The following CHGB variants were observed in gnomAD, a reference collection of about 807,000 sequenced individuals.
CHGB encodes chromogranin B.
A neutral mutation model predicts 69.9 loss-of-function variants in CHGB; 46 were observed. The ratio of observed to expected loss-of-function variants is 0.66; its 90% CI spans 0.52 to 0.84. CHGB has a LOEUF of 0.84. Ranked by LOEUF, CHGB falls within the 40% of genes least tolerant of loss-of-function variation. CHGB has a pLI of 0.00. For missense variants in CHGB, 796 were observed against 822.2 expected, an observed-to-expected ratio of 0.97 and a Z score of 0.39; for synonymous variants, 312 against 298.2, an observed-to-expected ratio of 1.05 and a Z score of -0.48.
intron 3 of CHGB, among the ~76,000 whole-genome samples, chr20:5,920,023 G>GC (rs11087701): frequency 0.31 from 47,892 of 152,054 alleles, 7,854 homozygotes; most frequent in Middle Eastern, 0.45. Flanking sequence ...CATGACAGAT[G>GC]CATTTCCCTG....
intron 3 of CHGB, among the ~76,000 whole-genome samples, chr20:5,919,305 G>A (rs1442038269): frequency 6.6e-6 from 1 of 152,188 alleles, no homozygotes; most frequent in African/African-American, 2.4e-5. Context: ...TAGGGAAACT[G>A]GGAAAAATCA....
chr20:5,924,156 A>G lies in CHGB; in HGVS notation c.1956+56A>G, dbSNP rs1475775353. 32 of 1,493,794 alleles carry G rather than the reference A, an allele frequency of 2.1e-5. No homozygotes were observed. The Admixed American group carries it at 7.5e-4, about 35-fold the overall frequency. 92.5% of individuals were successfully genotyped at this position (1,493,794 alleles called of 1,614,324 possible). A position where few individuals can be genotyped will look rare whatever the true frequency, so the allele number is the denominator to read the frequency against. ...TTACTCTGGTCAATGTTAGCACATT[A>G]TGTTCAAGACTATCCGATATTCACG... is the stretch of plus-strand genomic sequence containing the variant. On this transcript the variant is annotated intron_variant, in intron 4 of 4. Coordinates refer to ENST00000378961, the MANE Select transcript of CHGB (RefSeq NM_001819.3).
intron 3 of CHGB, 118 bp downstream of exon 3, chr20:5,917,037 A>C (rs2088479861): frequency 9.9e-6 from 9 of 909,414 alleles, no homozygotes; most frequent in Middle Eastern, 2.1e-4. Flanking sequence ...CACTAGGAAG[A>C]GTATTGATTG....
chr20:5,914,519 A>C (rs1490911229), intron 1 of CHGB: 1 of 152,230 alleles, frequency 6.6e-6, no homozygotes, highest in Non-Finnish European at 1.5e-5. Context: ...GTAAAAAAAA[A>C]GGGAAAGTAT....
intron 4 of CHGB, 107 bp downstream of exon 4, chr20:5,924,207 C>CCATTTTCATAGTGAT: frequency 7.0e-7 from 1 of 1,424,456 alleles, no homozygotes; most frequent in Non-Finnish European, 9.3e-7. Flanking sequence ...GAATTAATCA[C>CCATTTTCATAGTGAT]TATGAAAATG....
At chr20:5,917,014 TG>T (rs530637093) in intron 3 of CHGB, 95 bp downstream of exon 3, 190 of 1,148,032 alleles carry the variant, frequency 1.7e-4, no homozygotes, top group Non-Finnish European at 3.2e-5. Context: ...ACAAATGACC[TG>T]GGGGCATAAT....
intron 3 of CHGB, among the ~76,000 whole-genome samples, chr20:5,919,730 CTT>C (rs758116330): frequency 9.2e-5 from 14 of 152,318 alleles, no homozygotes; most frequent in East Asian, 1.9e-4. Flanking sequence ...TTCTCTCTCT[CTT>C]GTTGGCATGT....
In CHGB at chr20:5,923,363, G is replaced by A. The variant is rs2088528931; in HGVS notation, c.1219G>A (p.Glu407Lys). 5.6e-6 allele frequency: 9 copies of A among 1,613,744 alleles called. No individual in the cohort carries two copies. The highest frequency in any genetic ancestry group is 5.3e-5 in the African/African-American group (4 of 74,882). The change falls in exon 4 of 5, where the codon GAA becomes AAA. Residue 407 changes from glutamate to lysine, a missense_variant. This residue lies in a region of CHGB where 518 missense variants were observed against 506.3 expected (regional missense o/e 1.02). Transcript: ENST00000378961. Reference protein sequence around the residue: ...MAHGYGEESEEERGLEPGKGR... With the variant: ...MAHGYGEESEKERGLEPGKGR... ...ACATGGATATGGTGAAGAAAGTGAG[G>A]AAGAGAGGGGCCTTGAGCCGGGAAA... is the stretch of plus-strand genomic sequence containing the variant.
rs2088530128 is a variant in CHGB, at chr20:5,923,483, CGT to C, written c.1342_1343del (p.Val448ProfsTer28). ...AAGGTTCTTGGGTGAAGGACACCACCGTGTCCAAGAAAACCAGATGGACAAGG... is the reference window on the plus strand; with the variant it reads ...AAGGTTCTTGGGTGAAGGACACCACCGTCCAAGAAAACCAGATGGACAAGG... Reference protein sequence around the residue: ...EKRFLGEGHHRVQENQMDKAR... With the variant: ...EKRFLGEGHHXVQENQMDKAR... On this transcript the variant is annotated frameshift_variant, in exon 4 of 5. Coordinates refer to ENST00000378961, the MANE Select transcript of CHGB (RefSeq NM_001819.3). LOFTEE classifies it high-confidence loss of function. 1 of 1,614,064 alleles carries C rather than the reference CGT, an allele frequency of 6.2e-7. No individual in the cohort carries two copies. The highest frequency in any genetic ancestry group is 1.1e-5 in the South Asian group (1 of 91,074).
In CHGB at chr20:5,922,586, G is replaced by C. The variant is rs779181544; in HGVS notation, c.442G>C (p.Val148Leu). The change falls in exon 4 of 5, where the codon GTC becomes CTC. Residue 148 changes from valine (V) to leucine (L), a missense_variant. This residue lies in a region of CHGB where 518 missense variants were observed against 506.3 expected (regional missense o/e 1.02). Coordinates refer to ENST00000378961, the MANE Select transcript of CHGB (RefSeq NM_001819.3). ...QWSLYPSDSQ[V>L]SEEVKTRHSE... ...GAGCCTCTATCCCTCCGACAGCCAA[G>C]TCTCTGAAGAAGTGAAGACACGCCA... 7 of 1,613,914 alleles carry C rather than the reference G, an allele frequency of 4.3e-6. No homozygotes were observed. Among genetic ancestry groups the C allele is most frequent in the Non-Finnish European group, 5.9e-6 (7 of 1,179,980 alleles).
In CHGB at chr20:5,923,307, A is replaced by G; in HGVS notation, c.1163A>G (p.Asn388Ser). Reference sequence around the variant, plus strand: ...AGTTGGGATGAGGAGGACAAGAGAAACTACCCCAGCTTAGAGCTTGATAAG... The same window carrying G: ...AGTTGGGATGAGGAGGACAAGAGAAGCTACCCCAGCTTAGAGCTTGATAAG... ...EESWDEEDKRNYPSLELDKMA... is the reference protein window; with the variant it reads ...EESWDEEDKRSYPSLELDKMA... Residue 388 changes from asparagine to serine, a missense_variant, in exon 4 of 5, where the codon AAC (asparagine) becomes AGC (serine). By Grantham distance (46) the Asn-to-Ser change is conservative. This residue lies in a region of CHGB where 518 missense variants were observed against 506.3 expected (regional missense o/e 1.02). Coordinates refer to ENST00000378961, the MANE Select transcript of CHGB (RefSeq NM_001819.3). The G allele has an allele frequency of 6.2e-7, 1 of 1,613,620 alleles. No individual in the cohort carries two copies. Among genetic ancestry groups the G allele is most frequent in the South Asian group, 1.1e-5 (1 of 91,078 alleles).
At chr20:5,917,934 A>G (rs2088486295) in intron 3 of CHGB, 2 of 149,096 alleles carry the variant, frequency 1.3e-5, no homozygotes, top group African/African-American at 5.1e-5. Flanking sequence ...CAGCAGTTTG[A>G]GACCAGCCTG....
chr20:5,920,881 C>T (rs188378175), intron 3 of CHGB, among the ~76,000 whole-genome samples: 1 of 152,214 alleles, frequency 6.6e-6, no homozygotes, highest in African/African-American at 2.4e-5. Flanking sequence ...TATTATCATG[C>T]CAGACTGGAC....
chr20:5,924,013 C>G lies in CHGB; in HGVS notation c.1869C>G (p.Phe623Leu), dbSNP rs753194326. The change falls in exon 4 of 5, where the codon TTC (phenylalanine) becomes TTG (leucine). Residue 623 changes from phenylalanine (F) to leucine (L), a missense_variant. Phe to Leu is a conservative substitution (Grantham distance 22, BLOSUM62 0). Around this residue, in one of 3 missense-constraint regions of CHGB, gnomAD observed 274 missense variants for 298.9 expected, o/e 0.92. Coordinates refer to ENST00000378961, the MANE Select transcript of CHGB (RefSeq NM_001819.3). ...AGAAGTCAGCTGAGTTTCCAGACTT[C>G]TATGATTCTGAGGAGCCGGTGAGCA... ...YRKKSAEFPD[F>L]YDSEEPVSTH... 6.2e-7 allele frequency: 1 copy of G among 1,613,914 alleles called. No individual in the cohort carries two copies. The highest frequency in any genetic ancestry group is 2.2e-5 in the East Asian group (1 of 44,868).
chr20:5,911,714 C>G lies in CHGB; in HGVS notation c.49+32C>G, dbSNP rs759050291. ...GGGCGCGGCGGGCCGGTCAGCACCG[C>G]GGACAGCGCCAGCCTCGCTCTTCCC... On this transcript the variant is annotated intron_variant, in intron 1 of 4. Coordinates refer to ENST00000378961, the MANE Select transcript of CHGB (RefSeq NM_001819.3). The G allele has an allele frequency of 2.9e-6, 4 of 1,402,348 alleles. No individual in the cohort carries two copies. The African/African-American group carries it at 6.1e-5, about 21-fold the overall frequency. The allele number at this position is 1,402,348 out of a possible 1,614,324, so 86.9% of individuals were successfully genotyped here.
intron 3 of CHGB, among the ~76,000 whole-genome samples, chr20:5,920,837 G>A (rs533390475): frequency 3.9e-5 from 6 of 152,264 alleles, no homozygotes; most frequent in Admixed American, 6.5e-5. Context: ...AAAAGGCCAG[G>A]GACATTTTCA....
chr20:5,920,433 T>G (rs1452867979), intron 3 of CHGB, among the ~76,000 whole-genome samples: 8 of 151,756 alleles, frequency 5.3e-5, no homozygotes, highest in Non-Finnish European at 1.2e-4. Context: ...TTTTTCACAG[T>G]TACAGCAGTC....
intron 1 of CHGB, among the ~76,000 whole-genome samples, chr20:5,913,961 T>C (rs890057887): frequency 6.6e-6 from 1 of 152,186 alleles, no homozygotes; most frequent in African/African-American, 2.4e-5. Context: ...TCAGAAGAGC[T>C]TATTTAACTT....
intron 1 of CHGB, among the ~76,000 whole-genome samples, chr20:5,913,783 C>A (rs984596861): frequency 2.6e-5 from 4 of 151,668 alleles, no homozygotes; most frequent in Non-Finnish European, 5.9e-5. Flanking sequence ...GTGTGTGTCA[C>A]CACGCCCAGC....
Sources: gnomAD v4.1 joint callset for allele counts (sites outside exome capture counted in the v4.1 genomes callset) on GRCh38, gnomAD v4.1.1 for gene constraint, gnomAD v4.1.1 regional missense constraint, MANE v1.5 for transcripts, NCBI Gene and HGNC (gene_info 2026-07-23, HGNC 2026-07-21) for gene names.